Variants in UBE2D1 observed in about 807,000 individuals in gnomAD.
UBE2D1 encodes ubiquitin-conjugating enzyme E2 D1.
In UBE2D1, 9 loss-of-function variants were observed where a neutral mutation model predicts 24.6. That is an observed-to-expected ratio of 0.37 (90% CI 0.22 to 0.64). The LOEUF (loss-of-function observed/expected upper bound fraction) is 0.64, where lower values mean the gene tolerates loss of function less well. Among genes scored for constraint, UBE2D1 ranks in the 30% least tolerant of loss-of-function variants. The pLI is 0.64. For missense variants in UBE2D1, 87 were observed against 177.1 expected, an observed-to-expected ratio of 0.49 and a Z score of 2.89; for synonymous variants, 57 against 57.6, an observed-to-expected ratio of 0.99 and a Z score of 0.04.
At chr10:58,339,751 C>T (rs1330002893) in intron 1 of UBE2D1, among the ~76,000 whole-genome samples, 3 of 148,958 alleles carry the variant, frequency 2.0e-5, no homozygotes, top group African/African-American at 7.7e-5. Context: ...GCTTCAATTC[C>T]ACATTCCTTT....
intron 1 of UBE2D1, among the ~76,000 whole-genome samples, chr10:58,346,707 T>A (rs1001748627): frequency 6.6e-6 from 1 of 152,122 alleles, no homozygotes; most frequent in African/African-American, 2.4e-5. Flanking sequence ...GGCAAGTCAT[T>A]TTAAGGACTT....
At chr10:58,343,503 G>A (rs1201618051) in intron 1 of UBE2D1, among the ~76,000 whole-genome samples, 2 of 152,024 alleles carry the variant, frequency 1.3e-5, no homozygotes, top group Admixed American at 1.3e-4. Flanking sequence ...TAAAATTAAT[G>A]TTAAAAATAC....
chr10:58,360,748 C>T (rs1010849621), intron 1 of UBE2D1, among the ~76,000 whole-genome samples: 1 of 152,064 alleles, frequency 6.6e-6, no homozygotes, highest in African/African-American at 2.4e-5. Context: ...GGCGAGACCC[C>T]ATCTCTACAA....
intron 1 of UBE2D1, among the ~76,000 whole-genome samples, chr10:58,358,768 CTT>C (rs943069728): frequency 1.4e-5 from 2 of 146,406 alleles, no homozygotes; most frequent in Non-Finnish European, 3.0e-5. Flanking sequence ...TTTTCTTTTT[CTT>C]TTTTTTTTTA....
intron 6 of UBE2D1, chr10:58,368,300 A>G (rs1266156152): frequency 1.0e-5 from 3 of 299,912 alleles, no homozygotes; most frequent in Admixed American, 4.5e-5. Flanking sequence ...TAATCATTGG[A>G]AAGTATTAAA....
intron 1 of UBE2D1, among the ~76,000 whole-genome samples, chr10:58,335,581 G>C (rs2132310134): frequency 6.6e-6 from 1 of 152,374 alleles, no homozygotes; most frequent in Middle Eastern, 3.4e-3. Context: ...TTTGACCCCT[G>C]TCATGCTGTG....
chr10:58,364,477 A>G (rs1840234520), intron 4 of UBE2D1: 1 of 219,750 alleles, frequency 4.6e-6, no homozygotes, highest in African/African-American at 2.3e-5. Flanking sequence ...ATTACTTTAG[A>G]TGCTGCTCAA....
At chr10:58,366,515 C>G (rs549420138) in intron 5 of UBE2D1, among the ~76,000 whole-genome samples, 56 of 152,128 alleles carry the variant, frequency 3.7e-4, no homozygotes, top group Non-Finnish European at 6.6e-4. Context: ...TTCTTGCTTA[C>G]TTTTTTATAA....
At chr10:58,335,249 G>T in intron 1 of UBE2D1, 24 bp downstream of exon 1, 1 of 1,521,824 alleles carries the variant, frequency 6.6e-7, no homozygotes, top group South Asian at 1.2e-5. Flanking sequence ...CCGGGCCTGG[G>T]GCTGCGGGGC....
chr10:58,346,307 C>T (rs997558123), intron 1 of UBE2D1, among the ~76,000 whole-genome samples: 3 of 152,066 alleles, frequency 2.0e-5, no homozygotes, highest in Non-Finnish European at 4.4e-5. Context: ...CCACCATACC[C>T]GGCCGGAATG....
At chr10:58,355,580 G>GA (rs1374578550) in intron 1 of UBE2D1, among the ~76,000 whole-genome samples, 4 of 152,124 alleles carry the variant, frequency 2.6e-5, no homozygotes, top group African/African-American at 4.8e-5. Context: ...ATGACTGGTT[G>GA]GCTTATGTCC....
At chr10:58,354,123 A>C (rs984014390) in intron 1 of UBE2D1, among the ~76,000 whole-genome samples, 1 of 152,188 alleles carries the variant, frequency 6.6e-6, no homozygotes, top group Non-Finnish European at 1.5e-5. Context: ...ATTTTTATAC[A>C]TGGGTATGAA....
intron 1 of UBE2D1, among the ~76,000 whole-genome samples, chr10:58,357,512 C>G (rs1470980600): frequency 6.6e-6 from 1 of 152,066 alleles, no homozygotes; most frequent in Non-Finnish European, 1.5e-5. Context: ...GTTGTAGTTT[C>G]TATTTGTTTT....
At chr10:58,345,731 G>A (rs1248225913) in intron 1 of UBE2D1, among the ~76,000 whole-genome samples, 2 of 152,146 alleles carry the variant, frequency 1.3e-5, no homozygotes, top group Non-Finnish European at 2.9e-5. Context: ...GAAAAACTGT[G>A]GAGAAGATGG....
At chr10:58,364,271 A>G (rs1379210462) in intron 4 of UBE2D1, among the ~76,000 whole-genome samples, 1 of 152,182 alleles carries the variant, frequency 6.6e-6, no homozygotes, top group Non-Finnish European at 1.5e-5. Flanking sequence ...AAACAGATTA[A>G]CATTGTATTT....
chr10:58,342,994 T>C (rs996140430), intron 1 of UBE2D1, among the ~76,000 whole-genome samples: 1 of 152,030 alleles, frequency 6.6e-6, no homozygotes, highest in African/African-American at 2.4e-5. Context: ...CACACCCAGC[T>C]AATTTTTTGT....
chr10:58,335,190 C>A lies in UBE2D1; in HGVS notation c.-12C>A. 6.5e-7 allele frequency: 1 copy of A among 1,546,788 alleles called. No homozygotes were observed. Among genetic ancestry groups the A allele is most frequent in the East Asian group, 2.5e-5 (1 of 39,834 alleles). ...CCCTGCCGGCCGGTGTCCCCACCGC[C>A]ATCCCTGACCCATGGCGCTGAAGAG... On this transcript the variant is annotated 5_prime_UTR_variant, in exon 1 of 7. Coordinates refer to ENST00000373910, the MANE Select transcript of UBE2D1 (RefSeq NM_003338.5).
intron 4 of UBE2D1, among the ~76,000 whole-genome samples, chr10:58,364,263 A>G (rs539403891): frequency 1.3e-5 from 2 of 152,164 alleles, no homozygotes; most frequent in Non-Finnish European, 2.9e-5. Flanking sequence ...ATAGTTAAAA[A>G]CAGATTAACA....
chr10:58,361,083 T>C, intron 1 of UBE2D1: 2 of 553,660 alleles, frequency 3.6e-6, no homozygotes, highest in Non-Finnish European at 6.5e-6. Context: ...TAAATAGTTT[T>C]TCTCTTAGGG....
Sources: allele counts gnomAD v4.1 joint callset (sites outside exome capture counted in the v4.1 genomes callset), GRCh38; gene constraint gnomAD v4.1.1; transcripts MANE v1.5; gene names NCBI Gene and HGNC (gene_info 2026-07-23, HGNC 2026-07-21).